Variants in AKAP19 observed in about 807,000 individuals in gnomAD.
AKAP19 encodes the protein A-kinase anchoring protein 19.
chr2:189,955,161 G>A, the AKAP19 span, among the ~76,000 whole-genome samples: 3 of 152,052 alleles, frequency 2.0e-5, no homozygotes, highest in African/African-American at 2.4e-5. Context: ...GCATGTACCC[G>A]TTGTTTAGCT....
the AKAP19 span, among the ~76,000 whole-genome samples, chr2:190,182,719 A>G: frequency 5.9e-5 from 9 of 152,242 alleles, no homozygotes; most frequent in Non-Finnish European, 1.2e-4. Flanking sequence ...TTCAAATAAA[A>G]TAATCTATTG....
the AKAP19 span, among the ~76,000 whole-genome samples, chr2:190,102,744 G>A: frequency 5.5e-3 from 830 of 152,076 alleles, 4 homozygotes; most frequent in African/African-American, 0.012. Flanking sequence ...ACAGATTCAC[G>A]GACAAATACT....
At chr2:189,912,312 G>A in the AKAP19 span, among the ~76,000 whole-genome samples, 1 of 152,060 alleles carries the variant, frequency 6.6e-6, no homozygotes, top group Admixed American at 6.6e-5. Context: ...AGGCCGAGGT[G>A]GGTGGATCAC....
the AKAP19 span, among the ~76,000 whole-genome samples, chr2:190,034,424 T>TA: frequency 2.1e-5 from 3 of 141,210 alleles, no homozygotes; most frequent in Non-Finnish European, 3.0e-5. Context: ...CTAATAGACT[T>TA]AAAAAAATCA....
At chr2:190,199,982 C>CAGTT in the AKAP19 span, 2 of 1,614,090 alleles carry the variant, frequency 1.2e-6, no homozygotes, top group Non-Finnish European at 1.7e-6. Context: ...ATGGCTTCTC[C>CAGTT]AGTTAATGTC....
the AKAP19 span, among the ~76,000 whole-genome samples, chr2:189,926,146 A>AT: frequency 2.0e-5 from 3 of 152,062 alleles, no homozygotes; most frequent in Non-Finnish European, 4.4e-5. Context: ...AGATATAGGC[A>AT]TTTTTTCTTG....
At chr2:190,013,691 AT>A in the AKAP19 span, among the ~76,000 whole-genome samples, 1 of 150,706 alleles carries the variant, frequency 6.6e-6, no homozygotes. Flanking sequence ...AATTTTTTGT[AT>A]TTTTTTTAGT....
chr2:190,002,594 G>C, the AKAP19 span, among the ~76,000 whole-genome samples: 1 of 152,064 alleles, frequency 6.6e-6, no homozygotes, highest in Non-Finnish European at 1.5e-5. Context: ...AGAATTCATG[G>C]GGTCTAGATA....
chr2:190,035,613 G>A, the AKAP19 span, among the ~76,000 whole-genome samples: 1 of 141,196 alleles, frequency 7.1e-6, no homozygotes, highest in Non-Finnish European at 1.5e-5. Context: ...CCCACCTCCT[G>A]AAAACCACTG....
the AKAP19 span, among the ~76,000 whole-genome samples, chr2:189,938,648 G>T: frequency 3.3e-5 from 5 of 152,096 alleles, no homozygotes; most frequent in African/African-American, 7.2e-5. Context: ...CCTAGTATTT[G>T]CTAGCAAAAT....
chr2:190,100,914 G>C, the AKAP19 span, among the ~76,000 whole-genome samples: 1 of 152,162 alleles, frequency 6.6e-6, no homozygotes, highest in Admixed American at 6.5e-5. Context: ...GAGAGGCAGA[G>C]AGCCTCCCTC....
chr2:190,065,712 C>T, the AKAP19 span, among the ~76,000 whole-genome samples: 1 of 152,076 alleles, frequency 6.6e-6, no homozygotes, highest in Non-Finnish European at 1.5e-5. Context: ...CCCCTGGGAA[C>T]AATAGTTCAA....
At chr2:190,015,275 T>A in the AKAP19 span, among the ~76,000 whole-genome samples, 1 of 152,164 alleles carries the variant, frequency 6.6e-6, no homozygotes, top group Admixed American at 6.5e-5. Flanking sequence ...TCCTTTGAAA[T>A]CTATATGGAG....
At chr2:190,026,753 T>C in the AKAP19 span, among the ~76,000 whole-genome samples, 1 of 152,190 alleles carries the variant, frequency 6.6e-6, no homozygotes, top group African/African-American at 2.4e-5. Flanking sequence ...GATGTGAGTA[T>C]GTAGGAGCTG....
the AKAP19 span, among the ~76,000 whole-genome samples, chr2:190,005,213 G>C: frequency 6.6e-6 from 1 of 152,178 alleles, no homozygotes; most frequent in African/African-American, 2.4e-5. Context: ...AGCTTCCGCA[G>C]CATGCAGGGA....
the AKAP19 span, among the ~76,000 whole-genome samples, chr2:190,141,950 C>T: frequency 1.2e-4 from 19 of 152,016 alleles, no homozygotes; most frequent in African/African-American, 3.4e-4. Flanking sequence ...AGGTGATTGG[C>T]GGAAGGAAAG....
At chr2:190,083,257 T>A in the AKAP19 span, among the ~76,000 whole-genome samples, 2 of 152,152 alleles carry the variant, frequency 1.3e-5, no homozygotes, top group Admixed American at 6.5e-5. Flanking sequence ...TGTGCACCTG[T>A]AGTCCCAACT....
the AKAP19 span, among the ~76,000 whole-genome samples, chr2:189,944,299 G>C: frequency 6.6e-6 from 1 of 152,070 alleles, no homozygotes; most frequent in Non-Finnish European, 1.5e-5. Flanking sequence ...TCATTTAAAA[G>C]TGTTCCTGCT....
chr2:189,933,071 A>G, the AKAP19 span, among the ~76,000 whole-genome samples: 12 of 152,366 alleles, frequency 7.9e-5, no homozygotes, highest in South Asian at 6.2e-4. Flanking sequence ...TAATTTGGGC[A>G]GATACTCAGT....
Sources: gnomAD v4.1 joint callset for allele counts (sites outside exome capture counted in the v4.1 genomes callset) on GRCh38, gnomAD v4.1.1 for gene constraint, MANE v1.5 for transcripts, NCBI Gene and HGNC (gene_info 2026-07-23, HGNC 2026-07-21) for gene names.